Variants in PTBP2 observed in about 807,000 individuals in gnomAD.
PTBP2 encodes the protein polypyrimidine tract binding protein 2, also known as polypyrimidine tract-binding protein 2.
In PTBP2, 13 loss-of-function variants were observed where a neutral mutation model predicts 61.4. The ratio of observed to expected loss-of-function variants is 0.21; its 90% CI spans 0.14 to 0.34. The LOEUF is 0.34. Ranked by LOEUF, PTBP2 falls within the 10% of genes least tolerant of loss-of-function variation. The pLI is 1.00. For synonymous variants in PTBP2, 215 were observed against 218.5 expected (o/e 0.98, Z 0.14); for missense variants, 405 against 642.6 (o/e 0.63, Z 4.00).
chr1:96,781,650 T>G (rs1658683515), intron 7 of PTBP2, among the ~76,000 whole-genome samples: 1 of 152,042 alleles, frequency 6.6e-6, no homozygotes. Context: ...TCAACTAGAT[T>G]AGATCCCTTC....
chr1:96,763,321 A>G (rs985417781), intron 3 of PTBP2, among the ~76,000 whole-genome samples: 1 of 152,106 alleles, frequency 6.6e-6, no homozygotes, highest in South Asian at 2.1e-4. Context: ...TCCGTCTGCA[A>G]TTCCGGCACC....
intron 2 of PTBP2, among the ~76,000 whole-genome samples, chr1:96,735,775 C>T (rs1488746631): frequency 6.6e-6 from 1 of 152,080 alleles, no homozygotes; most frequent in Admixed American, 6.6e-5. Context: ...AAGAGAAGTT[C>T]TAACAAACAT....
intron 2 of PTBP2, among the ~76,000 whole-genome samples, chr1:96,724,129 A>T (rs1453489963): frequency 6.6e-6 from 1 of 152,236 alleles, no homozygotes; most frequent in Non-Finnish European, 1.5e-5. Context: ...TTTATGGTAG[A>T]GATCCTTTGG....
At position 96,730,425 on chromosome 1, in the gene PTBP2, T is replaced by A. The variant is rs145896853; in HGVS notation, c.39+6831T>A. Among the ~76,000 whole-genome samples, 507 of 152,354 alleles carry A rather than the reference T, an allele frequency of 3.3e-3. 3 individuals carry two copies. Among genetic ancestry groups the A allele is most frequent in the African/African-American group, 0.012 (483 of 41,590 alleles). On this transcript the variant is annotated intron_variant, in intron 2 of 13. Transcript: ENST00000674951. ...TTTTATTCACTTCAAAATACTTTTT[T>A]AAATATTTCTTTGACCCATGGGTTA...
intron 2 of PTBP2, among the ~76,000 whole-genome samples, chr1:96,733,507 C>T (rs1315906053): frequency 6.6e-6 from 1 of 152,040 alleles, no homozygotes; most frequent in Admixed American, 6.5e-5. Flanking sequence ...AGCAAGACCC[C>T]ATCTCTACAA....
At chr1:96,764,088 G>A (rs1656374825) in intron 3 of PTBP2, among the ~76,000 whole-genome samples, 2 of 152,168 alleles carry the variant, frequency 1.3e-5, no homozygotes, top group South Asian at 2.1e-4. Flanking sequence ...TTTTACTGTA[G>A]AATTGTTTCC....
At chr1:96,763,262 C>T (rs867480625) in intron 3 of PTBP2, among the ~76,000 whole-genome samples, 11 of 152,222 alleles carry the variant, frequency 7.2e-5, no homozygotes, top group South Asian at 2.1e-4. Context: ...GCCGAGATCA[C>T]GCCACTGCAC....
intron 2 of PTBP2, among the ~76,000 whole-genome samples, chr1:96,726,909 T>C (rs1650638259): frequency 1.3e-5 from 2 of 152,184 alleles, no homozygotes; most frequent in South Asian, 4.1e-4. Flanking sequence ...AAAAAATAGC[T>C]TTATTGAGAT....
chr1:96,741,815 TC>T (rs752090778), intron 2 of PTBP2, among the ~76,000 whole-genome samples: 1 of 152,230 alleles, frequency 6.6e-6, no homozygotes, highest in Non-Finnish European at 1.5e-5. Flanking sequence ...AATTATTTTT[TC>T]TATATGGATA....
At chr1:96,751,564 A>G (rs1321818012) in intron 3 of PTBP2, 64 bp downstream of exon 3, 2 of 1,229,568 alleles carry the variant, frequency 1.6e-6, no homozygotes, top group African/African-American at 1.5e-5. Flanking sequence ...TTAAAACTCA[A>G]ATTTAACCCT....
intron 1 of PTBP2, 46 bp from the exon 2 acceptor site, chr1:96,723,513 AGTGAT>A: frequency 6.7e-7 from 1 of 1,500,278 alleles, no homozygotes; most frequent in Non-Finnish European, 9.2e-7. Flanking sequence ...CCAAAGAGTG[AGTGAT>A]TAGAAGAATA....
At chr1:96,802,114 G>A (rs2101170579) in intron 8 of PTBP2, among the ~76,000 whole-genome samples, 1 of 149,814 alleles carries the variant, frequency 6.7e-6, no homozygotes, top group Non-Finnish European at 1.5e-5. Context: ...GGGAGGCTGA[G>A]GCAGGAGAAT....
chr1:96,740,724 A>G lies in PTBP2; in HGVS notation c.40-10701A>G, dbSNP rs374753414. 7.9e-5 allele frequency among the ~76,000 whole-genome samples: 12 copies of G among 152,180 alleles called. No individual in the cohort carries two copies. The East Asian group carries it at 1.5e-3, about 20-fold the overall frequency. ...TTTTGCATGTTTAAACTATAGATGT[A>G]CTATCATGCTGTATGTATTCTGTAA... On this transcript the variant is annotated intron_variant, in intron 2 of 13. Coordinates refer to ENST00000674951, the MANE Select transcript of PTBP2 (RefSeq NM_021190.4).
At chr1:96,790,685 A>T (rs1659695766) in intron 8 of PTBP2, among the ~76,000 whole-genome samples, 2 of 152,180 alleles carry the variant, frequency 1.3e-5, no homozygotes, top group Non-Finnish European at 2.9e-5. Flanking sequence ...GTAAGTACTT[A>T]AACCAGCTTA....
intron 4 of PTBP2, among the ~76,000 whole-genome samples, chr1:96,770,478 AATC>A (rs1657250906): frequency 6.6e-6 from 1 of 151,922 alleles, no homozygotes; most frequent in African/African-American, 2.4e-5. Context: ...GGGTGTGAAA[AATC>A]ATAGGTGGAA....
intron 3 of PTBP2, among the ~76,000 whole-genome samples, chr1:96,764,672 T>C (rs1192414172): frequency 2.6e-5 from 4 of 152,242 alleles, no homozygotes; most frequent in Non-Finnish European, 5.9e-5. Flanking sequence ...TGTCATTCTT[T>C]TTGCTATAAT....
At chr1:96,740,301 C>A (rs1273896097) in intron 2 of PTBP2, among the ~76,000 whole-genome samples, 2 of 152,170 alleles carry the variant, frequency 1.3e-5, no homozygotes, top group Non-Finnish European at 2.9e-5. Context: ...CTTCTGAGGC[C>A]ACTTCTCTTG....
chr1:96,807,270 T>TAA (rs946257387), intron 11 of PTBP2, among the ~76,000 whole-genome samples: 2 of 152,210 alleles, frequency 1.3e-5, no homozygotes, highest in African/African-American at 4.8e-5. Context: ...TAGGTACTCC[T>TAA]TGTTAATAGA....
chr1:96,809,896 G>C (rs1475216260), intron 11 of PTBP2, among the ~76,000 whole-genome samples: 1 of 152,028 alleles, frequency 6.6e-6, no homozygotes. Flanking sequence ...AGACAAGACT[G>C]GAAATCAATG....
Sources: gnomAD v4.1 joint callset for allele counts (sites outside exome capture counted in the v4.1 genomes callset) on GRCh38, gnomAD v4.1.1 for gene constraint, MANE v1.5 for transcripts, NCBI Gene and HGNC (gene_info 2026-07-23, HGNC 2026-07-21) for gene names.